PCDH15: variants seen among roughly 807,000 people sequenced by gnomAD.
PCDH15 encodes the protein protocadherin related 15.
PCDH15 carries 129 observed loss-of-function variants against 178.5 expected under a neutral mutation model. The observed-to-expected ratio is 0.72, with a 90% CI of 0.63 to 0.84. The LOEUF is 0.84. Ranked by LOEUF, PCDH15 falls within the 40% of genes least tolerant of loss-of-function variation. PCDH15 has a pLI of 0.00. For synonymous variants in PCDH15, 800 were observed against 732.0 expected, an observed-to-expected ratio of 1.09 and a Z score of -1.50; for missense variants, 2,230 against 2,099.9, an observed-to-expected ratio of 1.06 and a Z score of -1.21.
At chr10:54,795,249 T>C (rs1264360809) in intron 1 of PCDH15, among the ~76,000 whole-genome samples, 2 of 151,736 alleles carry the variant, frequency 1.3e-5, no homozygotes, top group Non-Finnish European at 2.9e-5. Context: ...ACTTACTTTT[T>C]AAAAATTCCT....
chr10:55,015,413 T>C (rs750610261), intron 2 of PCDH15, among the ~76,000 whole-genome samples: 1 of 151,980 alleles, frequency 6.6e-6, no homozygotes, highest in African/African-American at 2.4e-5. Flanking sequence ...AACGCAGACA[T>C]ACTTTTATAA....
chr10:54,208,243 T>C (rs1243325780), intron 10 of PCDH15, among the ~76,000 whole-genome samples: 1 of 152,088 alleles, frequency 6.6e-6, no homozygotes, highest in African/African-American at 2.4e-5. Flanking sequence ...TTCTCTAAAA[T>C]GTGTAAGAGA....
chr10:54,033,284 ATTT>A (rs574577522), intron 18 of PCDH15, among the ~76,000 whole-genome samples: 1 of 151,872 alleles, frequency 6.6e-6, no homozygotes, highest in Non-Finnish European at 1.5e-5. Flanking sequence ...GGATTTTAAG[ATTT>A]TTTTCTTTCT....
intron 2 of PCDH15, among the ~76,000 whole-genome samples, chr10:55,086,893 C>A (rs1288906026): frequency 6.6e-6 from 1 of 151,872 alleles, no homozygotes; most frequent in African/African-American, 2.4e-5. Context: ...TAAGAAAGTA[C>A]TTGTCTATAG....
At chr10:54,842,436 A>C (rs370078747) in intron 3 of PCDH15, among the ~76,000 whole-genome samples, 15 of 151,966 alleles carry the variant, frequency 9.9e-5, no homozygotes, top group East Asian at 9.7e-4. Flanking sequence ...AGAGCAATGA[A>C]TCTTTGCTAC....
intron 8 of PCDH15, among the ~76,000 whole-genome samples, chr10:54,300,005 G>GTT (rs1157936634): frequency 1.3e-5 from 2 of 152,074 alleles, no homozygotes; most frequent in African/African-American, 4.8e-5. Flanking sequence ...ACTCTTAAAG[G>GTT]AATTCTCAGA....
chr10:53,961,233 AATCTT>A (rs1365699884), intron 22 of PCDH15, among the ~76,000 whole-genome samples: 4 of 151,956 alleles, frequency 2.6e-5, no homozygotes, highest in African/African-American at 9.7e-5. Flanking sequence ...GTAATATATC[AATCTT>A]ATCTTAAAAA....
At chr10:55,437,555 A>G (rs1839071301) in intron 2 of PCDH15, among the ~76,000 whole-genome samples, 1 of 152,200 alleles carries the variant, frequency 6.6e-6, no homozygotes, top group Admixed American at 6.5e-5. Flanking sequence ...TATTTATACA[A>G]GTACTAAAGG....
chr10:55,407,909 A>G (rs952310840), intron 2 of PCDH15, among the ~76,000 whole-genome samples: 7 of 152,202 alleles, frequency 4.6e-5, no homozygotes, highest in African/African-American at 1.7e-4. Flanking sequence ...TCTAAGTCTC[A>G]AGGACAAGTA....
chr10:54,147,653 C>T (rs989915001), intron 14 of PCDH15, among the ~76,000 whole-genome samples: 1 of 151,432 alleles, frequency 6.6e-6, no homozygotes, highest in African/African-American at 2.4e-5. Context: ...TATATAATAC[C>T]AACTTGTGGT....
chr10:55,525,015 T>C (rs184670481), intron 2 of PCDH15, among the ~76,000 whole-genome samples: 319 of 151,854 alleles, frequency 2.1e-3, no homozygotes, highest in Non-Finnish European at 3.8e-3. Context: ...TATGCATATG[T>C]CCTCCCATTG....
chr10:55,462,351 T>C (rs1386796082), intron 2 of PCDH15, among the ~76,000 whole-genome samples: 1 of 152,160 alleles, frequency 6.6e-6, no homozygotes, highest in Admixed American at 6.6e-5. Flanking sequence ...TTTCTCATAG[T>C]ACATTATACA....
At chr10:54,913,068 C>T (rs756144559) in intron 2 of PCDH15, among the ~76,000 whole-genome samples, 17 of 152,106 alleles carry the variant, frequency 1.1e-4, no homozygotes, top group Admixed American at 9.2e-4. Context: ...AAAAATTTAC[C>T]GCCTAGCCAT....
intron 3 of PCDH15, among the ~76,000 whole-genome samples, chr10:54,499,877 G>A (rs190419087): frequency 1.1e-3 from 160 of 152,180 alleles, no homozygotes; most frequent in African/African-American, 3.5e-3. Flanking sequence ...GAAAAACTAC[G>A]GAAAGCAGTT....
At chr10:54,412,368 AG>A (rs1488503933) in intron 3 of PCDH15, among the ~76,000 whole-genome samples, 1 of 151,970 alleles carries the variant, frequency 6.6e-6, no homozygotes, top group Admixed American at 6.6e-5. Flanking sequence ...CTTTTGCAAG[AG>A]ATGTTTCACA....
intron 1 of PCDH15, among the ~76,000 whole-genome samples, chr10:54,779,586 C>G (rs143507101): frequency 6.9e-6 from 1 of 144,382 alleles, no homozygotes; most frequent in Non-Finnish European, 1.5e-5. Flanking sequence ...CTGATTCTTT[C>G]CTACTATGTG....
chr10:54,366,442 C>T (rs2028440), intron 5 of PCDH15, among the ~76,000 whole-genome samples: 113,200 of 151,860 alleles, frequency 0.75, 43,426 homozygotes, highest in African/African-American at 0.86. Flanking sequence ...AATTTTATTA[C>T]AAACACAGCA....
At chr10:54,231,192 C>T (rs1229246707) in intron 9 of PCDH15, among the ~76,000 whole-genome samples, 1 of 152,242 alleles carries the variant, frequency 6.6e-6, no homozygotes, top group Non-Finnish European at 1.5e-5. Context: ...CACGGCTCCA[C>T]TGCCCTGTGC....
chr10:54,810,134 A>G (rs1401668934), intron 3 of PCDH15, among the ~76,000 whole-genome samples: 1 of 152,110 alleles, frequency 6.6e-6, no homozygotes, highest in Non-Finnish European at 1.5e-5. Flanking sequence ...TACTGTAGTC[A>G]ATTTTCAAAA....
Sources: gnomAD v4.1 joint callset for allele counts (sites outside exome capture counted in the v4.1 genomes callset) on GRCh38, gnomAD v4.1.1 for gene constraint, MANE v1.5 for transcripts, NCBI Gene and HGNC (gene_info 2026-07-23, HGNC 2026-07-21) for gene names.